Variants in DHRS11 observed in about 807,000 individuals in gnomAD.
The protein encoded by DHRS11 is dehydrogenase/reductase 11, also known as dehydrogenase/reductase SDR family member 11.
A neutral mutation model predicts 30.7 loss-of-function variants in DHRS11; 18 were observed. The ratio of observed to expected loss-of-function variants is 0.59; its 90% CI spans 0.41 to 0.87. The LOEUF is 0.87. DHRS11 is among the 40% of genes least tolerant of loss of function. The pLI, the probability that DHRS11 is intolerant of heterozygous loss-of-function variation, is 0.00. For synonymous variants in DHRS11, 123 were observed against 139.6 expected (o/e 0.88, Z 0.84); for missense variants, 300 against 349.0 (o/e 0.86, Z 1.12).
In DHRS11 at chr17:36,597,894, T is replaced by A. The variant is rs1200528753; in HGVS notation, c.358-269T>A. On this transcript the variant is annotated intron_variant, in intron 2 of 6. Transcript: ENST00000618403. The stretch of plus-strand genomic sequence containing the variant: ...CAGAGTCTCCTGGGTCAGGAGTGGG[T>A]TTGAAGGGTTTCCATTCTTGTTTGC... The A allele has an allele frequency of 1.4e-5, 8 of 559,008 alleles. No homozygotes were observed. The East Asian group carries it at 2.5e-4, about 17-fold the overall frequency. The allele number at this position is 559,008 out of a possible 1,614,324, so 34.6% of individuals were successfully genotyped here. A position where few individuals can be genotyped will look rare whatever the true frequency, so the allele number is the denominator to read the frequency against.
intron 1 of DHRS11, chr17:36,594,455 A>G (rs531335278): frequency 6.3e-6 from 1 of 159,124 alleles, no homozygotes; most frequent in South Asian, 1.8e-4. Context: ...TTTATTTGAG[A>G]CACAGTCTTG....
chr17:36,597,081 A>T (rs2074816761), intron 2 of DHRS11: 1 of 299,218 alleles, frequency 3.3e-6, no homozygotes, highest in East Asian at 8.5e-5. Context: ...GATACCCTAG[A>T]CCTGGGAGAT....
rs778142558 is a variant in DHRS11, at chr17:36,599,967, C to G, written c.676-5C>G. 7.4e-6 allele frequency: 12 copies of G among 1,613,530 alleles called. No individual in the cohort carries two copies. Among genetic ancestry groups the G allele is most frequent in the Non-Finnish European group, 9.3e-6 (11 of 1,179,846 alleles). ...TGTCTCAACCCATTCCCCTGGTGCT[C>G]TCAGTGTCTCAAACCCGAGGATGTG... On this transcript the variant is annotated splice_region_variant and splice_polypyrimidine_tract_variant and intron_variant, in intron 5 of 6. Coordinates refer to ENST00000618403, the MANE Select transcript of DHRS11 (RefSeq NM_024308.4).
chr17:36,592,244 T>C lies in DHRS11; in HGVS notation c.147+88T>C. The C allele has an allele frequency of 8.2e-7, 1 of 1,222,694 alleles. No homozygotes were observed. The highest frequency in any genetic ancestry group is 1.0e-6 in the Non-Finnish European group (1 of 980,098). The allele number at this position is 1,222,694 out of a possible 1,614,324, so 75.7% of individuals were successfully genotyped here. ...TGCCCGCCACGCCGGGGCCCTTTGCTCTAGTCGGGGCGGCCTCTCGGATCC... is the reference window on the plus strand; with the variant it reads ...TGCCCGCCACGCCGGGGCCCTTTGCCCTAGTCGGGGCGGCCTCTCGGATCC... On this transcript the variant is annotated intron_variant, in intron 1 of 6. Transcript: ENST00000618403. This position sits in a 1 kb window ranked among gnomAD's most constrained non-coding sequence, Gnocchi z 4.4.
chr17:36,591,966 CCGTG>C lies in DHRS11; in HGVS notation c.-43_-40del. The C allele has an allele frequency of 8.2e-7, 1 of 1,222,754 alleles. No individual in the cohort carries two copies. The highest frequency in any genetic ancestry group is 4.1e-5 in the South Asian group (1 of 24,284). 75.7% of individuals were successfully genotyped at this position (1,222,754 alleles called of 1,614,324 possible). On this transcript the variant is annotated 5_prime_UTR_variant, in exon 1 of 7. Coordinates refer to ENST00000618403, the MANE Select transcript of DHRS11 (RefSeq NM_024308.4). ...CGGCCGGGCGTCAGCTCCTCGACCC[CCGTG>C]TCGGGCTAGTCCAGCGAGGCGGACG...
chr17:36,598,558 A>C (rs2074829847), intron 3 of DHRS11: 1 of 513,992 alleles, frequency 1.9e-6, no homozygotes, highest in Non-Finnish European at 3.5e-6. Flanking sequence ...TACTATGTAC[A>C]GTGTCTGCCA....
At chr17:36,594,803 C>T (rs1023992268) in intron 1 of DHRS11, 168 bp from the exon 2 acceptor site, 1 of 657,770 alleles carries the variant, frequency 1.5e-6, no homozygotes, top group African/African-American at 1.8e-5. Flanking sequence ...TAGACTTTGA[C>T]CAAAGAGGAC....
chr17:36,598,898 T>C, intron 3 of DHRS11, 23 bp from the exon 4 acceptor site: 3 of 1,603,592 alleles, frequency 1.9e-6, no homozygotes, highest in Non-Finnish European at 2.6e-6. Context: ...TCTCTCCTCT[T>C]TCCCCTTCCT....
At chr17:36,600,121 GGA>G (rs755237040) in intron 6 of DHRS11, 39 bp from the exon 7 acceptor site, 2 of 1,613,826 alleles carry the variant, frequency 1.2e-6, no homozygotes, top group South Asian at 1.1e-5. Context: ...CAGGGCCAGG[GGA>G]GAGTGTCACA....
chr17:36,598,786 A>G, intron 3 of DHRS11, 135 bp from the exon 4 acceptor site: 1 of 1,150,460 alleles, frequency 8.7e-7, no homozygotes, highest in Non-Finnish European at 1.2e-6. Context: ...GAGCTGTAGG[A>G]TGGCCAGTAG....
At chr17:36,599,594 G>C in intron 4 of DHRS11, 77 bp from the exon 5 acceptor site, 1 of 1,461,644 alleles carries the variant, frequency 6.8e-7, no homozygotes, top group South Asian at 1.2e-5. Flanking sequence ...GGGTTCTGTG[G>C]CCTCCATCCT....
At chr17:36,598,640 T>G in intron 3 of DHRS11, 1 of 524,116 alleles carries the variant, frequency 1.9e-6, no homozygotes, top group South Asian at 2.5e-5. Context: ...ACCGTATCAG[T>G]GAACATACAG....
intron 1 of DHRS11, among the ~76,000 whole-genome samples, chr17:36,593,144 G>T (rs1452260573): frequency 6.6e-6 from 1 of 152,164 alleles, no homozygotes; most frequent in African/African-American, 2.4e-5. Flanking sequence ...AGAGGATCAG[G>T]CCAGGGATTA....
Position 36,600,208 on chromosome 17 carries a change from T to C in DHRS11, c.*5T>C, listed in dbSNP as rs546649400. ...CCCACGGAGCAGGTGACCTAGTGAC[T>C]GTGGGAGCTCCTCCTTCCCTCCCCA... On this transcript the variant is annotated 3_prime_UTR_variant, in exon 7 of 7. Coordinates refer to ENST00000618403, the MANE Select transcript of DHRS11 (RefSeq NM_024308.4). 8 of 1,614,194 alleles carry C rather than the reference T, an allele frequency of 5.0e-6. No homozygotes were observed. The East Asian group carries it at 1.6e-4, about 31-fold the overall frequency.
At chr17:36,594,748 A>G in intron 1 of DHRS11, 2 of 599,698 alleles carry the variant, frequency 3.3e-6, no homozygotes, top group Non-Finnish European at 3.0e-6. Context: ...TTCTCCATTG[A>G]TAACAGCCTT....
intron 1 of DHRS11, among the ~76,000 whole-genome samples, chr17:36,593,056 G>A (rs1393793703): frequency 1.3e-5 from 2 of 152,028 alleles, no homozygotes; most frequent in African/African-American, 4.8e-5. Context: ...AAGGTCACCT[G>A]GCTCCATCAC....
At chr17:36,595,337 C>T (rs2074801686) in intron 2 of DHRS11, among the ~76,000 whole-genome samples, 157 bp downstream of exon 2, 1 of 151,378 alleles carries the variant, frequency 6.6e-6, no homozygotes, top group Non-Finnish European at 1.5e-5. Context: ...TGGCTTCTTG[C>T]CCTACCAGAG....
chr17:36,598,907 C>A lies in DHRS11; in HGVS notation c.453-14C>A. 1.2e-6 allele frequency: 2 copies of A among 1,607,920 alleles called. No individual in the cohort carries two copies. The highest frequency in any genetic ancestry group is 1.7e-6 in the Non-Finnish European group (2 of 1,176,910). On this transcript the variant is annotated splice_polypyrimidine_tract_variant and intron_variant, in intron 3 of 6. Transcript: ENST00000618403. ...CTTCATTCTCTCCTCTTTCCCCTTCCTCTCCCCACCCAGCATGTCTGGCCA... is the reference window on the plus strand; with the variant it reads ...CTTCATTCTCTCCTCTTTCCCCTTCATCTCCCCACCCAGCATGTCTGGCCA...
intron 3 of DHRS11, 102 bp from the exon 4 acceptor site, chr17:36,598,819 C>G (rs1360040831): frequency 8.2e-6 from 12 of 1,469,330 alleles, no homozygotes; most frequent in Non-Finnish European, 1.1e-5. Flanking sequence ...GAAGTCTTCC[C>G]GATGGGCATC....
Sources: allele counts gnomAD v4.1 joint callset (sites outside exome capture counted in the v4.1 genomes callset), GRCh38; gene constraint gnomAD v4.1.1; non-coding constraint Gnocchi (gnomAD v3.1); transcripts MANE v1.5; gene names NCBI Gene and HGNC (gene_info 2026-07-23, HGNC 2026-07-21).